CSMD1: variants seen among roughly 807,000 people sequenced by gnomAD.
CSMD1 encodes the protein CUB and sushi domain-containing protein 1.
A neutral mutation model predicts 417.5 loss-of-function variants in CSMD1; 213 were observed. That is an observed-to-expected ratio of 0.51 (90% confidence interval 0.46 to 0.57). The LOEUF (loss-of-function observed/expected upper bound fraction) is 0.57. Among genes scored for constraint, CSMD1 ranks in the 20% least tolerant of loss-of-function variants. The pLI, the probability that CSMD1 is intolerant of heterozygous loss-of-function variation, is 0.00. For synonymous variants in CSMD1, 2,862 were observed against 1,736.8 expected (o/e 1.65, Z -16.11); for missense variants, 6,923 against 4,529.7 (o/e 1.53, Z -15.17).
At chr8:4,584,556 C>T (rs1249138079) in intron 2 of CSMD1, among the ~76,000 whole-genome samples, 1 of 152,122 alleles carries the variant, frequency 6.6e-6, no homozygotes, top group Non-Finnish European at 1.5e-5. Context: ...TGCCTAGAAC[C>T]AGCTTCCGCT....
At chr8:4,164,271 A>G (rs771047342) in intron 3 of CSMD1, among the ~76,000 whole-genome samples, 2 of 152,308 alleles carry the variant, frequency 1.3e-5, no homozygotes, top group South Asian at 4.1e-4. Flanking sequence ...AAAAAAGATT[A>G]ATTTTCTTTA....
intron 5 of CSMD1, among the ~76,000 whole-genome samples, chr8:3,881,821 G>GAGA (rs1321637935): frequency 1.3e-5 from 2 of 152,036 alleles, no homozygotes; most frequent in African/African-American, 4.8e-5. Flanking sequence ...GAACAGAAGT[G>GAGA]AGAAGCAAAT....
chr8:3,949,658 G>C (rs1811477537), intron 5 of CSMD1, among the ~76,000 whole-genome samples: 1 of 152,022 alleles, frequency 6.6e-6, no homozygotes, highest in African/African-American at 2.4e-5. Flanking sequence ...GGGGCAACGA[G>C]GATGAGAGAA....
At chr8:3,248,389 A>G (rs1372599941) in intron 26 of CSMD1, among the ~76,000 whole-genome samples, 1 of 152,160 alleles carries the variant, frequency 6.6e-6, no homozygotes, top group African/African-American at 2.4e-5. Flanking sequence ...TAATCTTCCC[A>G]CCTATGAAGT....
At chr8:3,895,136 G>A (rs1807269812) in intron 5 of CSMD1, among the ~76,000 whole-genome samples, 1 of 152,148 alleles carries the variant, frequency 6.6e-6, no homozygotes, top group African/African-American at 2.4e-5. Context: ...GAATCACCTA[G>A]ACATTGGCTT....
At chr8:3,995,871 T>C (rs1563297934) in intron 5 of CSMD1, among the ~76,000 whole-genome samples, 1 of 152,166 alleles carries the variant, frequency 6.6e-6, no homozygotes, top group Non-Finnish European at 1.5e-5. Context: ...AGGATCATAG[T>C]TCCCACTGAT....
chr8:4,052,094 G>A (rs567450034), intron 3 of CSMD1, among the ~76,000 whole-genome samples: 2 of 152,006 alleles, frequency 1.3e-5, no homozygotes, highest in African/African-American at 2.4e-5. Context: ...GCTAATTTCT[G>A]TATTTTTAAA....
intron 49 of CSMD1, among the ~76,000 whole-genome samples, chr8:3,056,784 G>C (rs970831668): frequency 6.6e-6 from 1 of 151,918 alleles, no homozygotes; most frequent in African/African-American, 2.4e-5. Flanking sequence ...ACATATGAAT[G>C]TTAGGATTTT....
intron 6 of CSMD1, 41 bp downstream of exon 6, chr8:3,753,889 G>A (rs915098740): frequency 4.5e-6 from 6 of 1,335,876 alleles, no homozygotes; most frequent in South Asian, 2.5e-5. Flanking sequence ...AATATATTAC[G>A]CTCTGTTTTT....
In CSMD1 at chr8:4,944,323, G is replaced by T. The variant is rs140361514; in HGVS notation, c.85+50009C>A. Among the ~76,000 whole-genome samples, 190 of 152,340 alleles carry T rather than the reference G, an allele frequency of 1.2e-3. No individual in the cohort carries two copies. In the Middle Eastern group the frequency reaches 0.014, roughly 11 times the overall value. ...GCAAAGTTTACAGAGCAGACCAAGAGAAGAAAGCTAGTTATCAGTGAGTTT... is the reference window on the plus strand; with the variant it reads ...GCAAAGTTTACAGAGCAGACCAAGATAAGAAAGCTAGTTATCAGTGAGTTT... On this transcript the variant is annotated intron_variant, in intron 1 of 69. Coordinates refer to ENST00000635120, the MANE Select transcript of CSMD1 (RefSeq NM_033225.6).
chr8:3,751,108 G>T (rs143926470), intron 6 of CSMD1, among the ~76,000 whole-genome samples: 1 of 152,132 alleles, frequency 6.6e-6, no homozygotes, highest in South Asian at 2.1e-4. Flanking sequence ...TGAGGACCAT[G>T]TGGTAATGAA....
At chr8:4,188,582 G>T (rs999103391) in intron 3 of CSMD1, among the ~76,000 whole-genome samples, 1 of 152,092 alleles carries the variant, frequency 6.6e-6, no homozygotes, top group Non-Finnish European at 1.5e-5. Context: ...CAACTGACGC[G>T]CCCTACAGTT....
chr8:4,064,930 A>T (rs200670521), intron 3 of CSMD1, among the ~76,000 whole-genome samples: 1 of 57,354 alleles, frequency 1.7e-5, no homozygotes, highest in South Asian at 6.3e-4. Flanking sequence ...ACCTAGGCTT[A>T]AAAAAAAAAA....
intron 3 of CSMD1, among the ~76,000 whole-genome samples, chr8:4,356,307 A>G (rs73506692): frequency 0.084 from 12,636 of 149,768 alleles, 1,412 homozygotes; most frequent in African/African-American, 0.25. Flanking sequence ...TATTATGGCT[A>G]AGTAGTATTC....
At chr8:4,479,974 A>AG (rs1334502825) in intron 2 of CSMD1, among the ~76,000 whole-genome samples, 1 of 151,220 alleles carries the variant, frequency 6.6e-6, no homozygotes, top group African/African-American at 2.4e-5. Flanking sequence ...TCAAAAAAAA[A>AG]AAAAAATAAA....
chr8:4,202,935 C>T (rs1029238626), intron 3 of CSMD1, among the ~76,000 whole-genome samples: 1 of 152,074 alleles, frequency 6.6e-6, no homozygotes, highest in Non-Finnish European at 1.5e-5. Context: ...AGATGTTGGC[C>T]TTATCTCTTT....
intron 3 of CSMD1, among the ~76,000 whole-genome samples, chr8:4,057,789 G>A (rs1342860017): frequency 6.6e-6 from 1 of 152,074 alleles, no homozygotes; most frequent in Admixed American, 6.6e-5. Flanking sequence ...AATAAATAGG[G>A]ACTCCTTTCC....
At position 3,493,607 on chromosome 8, in the gene CSMD1, T is replaced by G. The variant is rs772281028; in HGVS notation, c.1448+16A>C. On this transcript the variant is annotated intron_variant, in intron 11 of 69. Transcript: ENST00000635120. ...CTGCATGCATAAGAGAAGAAGAAGC[T>G]CAAGGACATACTCACACGTACAAGA... 38 of 1,592,928 alleles carry G rather than the reference T, an allele frequency of 2.4e-5. No individual in the cohort carries two copies. The South Asian group carries it at 4.0e-4, about 17-fold the overall frequency.
chr8:4,649,154 G>C (rs1042116555), intron 1 of CSMD1, among the ~76,000 whole-genome samples: 4 of 152,150 alleles, frequency 2.6e-5, no homozygotes, highest in Admixed American at 1.3e-4. Context: ...TAATGCTCTA[G>C]ACTGGCAGCC....
Sources: gnomAD v4.1 joint callset for allele counts (sites outside exome capture counted in the v4.1 genomes callset) on GRCh38, gnomAD v4.1.1 for gene constraint, MANE v1.5 for transcripts, NCBI Gene and HGNC (gene_info 2026-07-23, HGNC 2026-07-21) for gene names.